The following SFTPD variants were observed in gnomAD, a reference collection of about 807,000 sequenced individuals.
SFTPD encodes the protein pulmonary surfactant-associated protein D.
SFTPD carries 18 observed loss-of-function variants against 34.6 expected under a neutral mutation model. The ratio of observed to expected loss-of-function variants is 0.52; its 90% CI spans 0.36 to 0.77. The LOEUF (loss-of-function observed/expected upper bound fraction) is 0.77, where lower values mean the gene tolerates loss of function less well. SFTPD is among the 30% of genes least tolerant of loss of function. The pLI is 0.00. For missense variants in SFTPD, 433 were observed against 468.9 expected (o/e 0.92, Z 0.71); for synonymous variants, 155 against 180.9 (o/e 0.86, Z 1.15).
intron 1 of SFTPD, among the ~76,000 whole-genome samples, chr10:79,958,619 T>A (rs1478815545): frequency 6.6e-6 from 1 of 152,072 alleles, no homozygotes; most frequent in East Asian, 1.9e-4. Context: ...ACGCACCCAA[T>A]ACAGGAGCAC....
intron 1 of SFTPD, chr10:79,969,068 G>A (rs1258217807): frequency 6.6e-6 from 1 of 152,166 alleles, no homozygotes; most frequent in South Asian, 2.1e-4. Context: ...GCCGGTCATG[G>A]TGGCTCATGC....
upstream of SFTPD, chr10:79,950,842 G>T (rs889933117): frequency 6.6e-6 from 1 of 151,860 alleles, no homozygotes; most frequent in Non-Finnish European, 1.5e-5. Flanking sequence ...GTAACTTTAT[G>T]TAATTCTATA....
At chr10:79,961,327 G>A (rs994136323) in intron 1 of SFTPD, among the ~76,000 whole-genome samples, 17 of 152,074 alleles carry the variant, frequency 1.1e-4, no homozygotes, top group South Asian at 2.1e-4. Context: ...GCTTCTGCAC[G>A]GCAAAAGAAA....
At chr10:79,954,617 A>G (rs1322231855) in intron 1 of SFTPD, among the ~76,000 whole-genome samples, 1 of 152,170 alleles carries the variant, frequency 6.6e-6, no homozygotes, top group African/African-American at 2.4e-5. Context: ...AGGATCACCA[A>G]CAGGTCTGCT....
intron 2 of SFTPD, among the ~76,000 whole-genome samples, chr10:79,945,430 C>T (rs530979286): frequency 9.8e-5 from 15 of 152,286 alleles, no homozygotes; most frequent in African/African-American, 3.6e-4. Flanking sequence ...GGGGATATTG[C>T]TTCGTCTTTC....
chr10:79,962,833 T>C (rs180951976), intron 1 of SFTPD, among the ~76,000 whole-genome samples: 159 of 152,316 alleles, frequency 1.0e-3, no homozygotes, highest in African/African-American at 3.4e-3. Flanking sequence ...CCACTCTTTT[T>C]TAGAGCAGTA....
chr10:79,965,507 C>G (rs140059804), intron 1 of SFTPD, among the ~76,000 whole-genome samples: 6,839 of 149,488 alleles, frequency 0.046, 231 homozygotes, highest in East Asian at 0.14. Flanking sequence ...TTTCACCACC[C>G]CAACACTTTA....
Position 79,974,837 on chromosome 10 carries a change from CAT to C in SFTPD, c.36+7736_36+7737del, listed in dbSNP as rs1324415527. Among the ~76,000 whole-genome samples the C allele has an allele frequency of 5.3e-5, 8 of 152,162 alleles. No individual in the cohort carries two copies. The East Asian group carries it at 1.5e-3, about 29-fold the overall frequency. On this transcript the variant is annotated intron_variant, in intron 1 of 5. Coordinates refer to the SFTPD transcript ENST00000444384. ...ACCCAGCAGTGCTAGAGGAATTAAA[CAT>C]ACACACACAGAAATATAGAGGTGTA...
chr10:79,951,019 T>A (rs1232122812), upstream of SFTPD: 4 of 152,102 alleles, frequency 2.6e-5, no homozygotes, highest in Non-Finnish European at 5.9e-5. Flanking sequence ...AATAAATTTT[T>A]ATTTCTAGAA....
At chr10:79,941,550 C>T (rs1842611891) in intron 5 of SFTPD, 36 bp from the exon 6 acceptor site, 4 of 1,492,546 alleles carry the variant, frequency 2.7e-6, no homozygotes, top group African/African-American at 2.8e-5. Context: ...GCTATGTACT[C>T]ATTTTATTTT....
chr10:79,945,246 G>A (rs1396697429), intron 2 of SFTPD, among the ~76,000 whole-genome samples: 3 of 152,166 alleles, frequency 2.0e-5, no homozygotes, highest in African/African-American at 4.8e-5. Flanking sequence ...GGCCCCACTG[G>A]AGGCCAGACT....
intron 1 of SFTPD, among the ~76,000 whole-genome samples, chr10:79,962,303 A>T (rs35516176): frequency 0.044 from 4,927 of 113,056 alleles, 262 homozygotes; most frequent in African/African-American, 0.14. Flanking sequence ...AATAATAATT[A>T]AAAAAAATCA....
At chr10:79,953,807 C>T (rs1017884320), upstream of SFTPD, among the ~76,000 whole-genome samples, 39 of 152,044 alleles carry the variant, frequency 2.6e-4, 1 homozygote, top group African/African-American at 6.0e-4. Context: ...TTTGCTTCAT[C>T]GTGTCCCATA....
At chr10:79,944,521 G>A (rs1842646109) in intron 2 of SFTPD, among the ~76,000 whole-genome samples, 1 of 152,090 alleles carries the variant, frequency 6.6e-6, no homozygotes, top group Non-Finnish European at 1.5e-5. Context: ...GGAGGAGGCT[G>A]AGCGTGACCG....
At chr10:79,946,845 G>C (rs1030340714) in intron 1 of SFTPD, among the ~76,000 whole-genome samples, 183 bp from the exon 2 acceptor site, 1 of 152,184 alleles carries the variant, frequency 6.6e-6, no homozygotes, top group African/African-American at 2.4e-5. Flanking sequence ...GGTCTGGATG[G>C]AGAGCATGAG....
Position 79,958,703 on chromosome 10 carries a change from T to C in SFTPD, c.37-12041A>G, listed in dbSNP as rs534077662. On this transcript the variant is annotated intron_variant, in intron 1 of 5. Transcript: ENST00000444384. ...CCCACACAATAATAATGGGAGACTT[T>C]AACACCCCACTGTCAACATTAGACA... is the stretch of plus-strand genomic sequence containing the variant. 5.3e-5 allele frequency among the ~76,000 whole-genome samples: 8 copies of C among 152,250 alleles called. No individual in the cohort carries two copies. In the East Asian group the frequency reaches 1.5e-3, roughly 29 times the overall value.
intron 1 of SFTPD, among the ~76,000 whole-genome samples, chr10:79,976,042 T>G (rs985513172): frequency 6.6e-6 from 1 of 152,174 alleles, no homozygotes; most frequent in Non-Finnish European, 1.5e-5. Context: ...TGGCCAGTTT[T>G]GGGGCCAGTT....
chr10:79,969,470 T>C (rs1293223485), intron 1 of SFTPD: 1 of 130,870 alleles, frequency 7.6e-6, no homozygotes, highest in Non-Finnish European at 1.6e-5. Flanking sequence ...CAAAACTCCG[T>C]CTCAAAAGAA....
chr10:79,970,231 GTC>G (rs1191081332), intron 1 of SFTPD: 1 of 151,500 alleles, frequency 6.6e-6, no homozygotes, highest in Admixed American at 6.6e-5. Flanking sequence ...TTCTGTTTAT[GTC>G]TCTGGTTTTA....
Sources: allele counts gnomAD v4.1 joint callset (sites outside exome capture counted in the v4.1 genomes callset), GRCh38; gene constraint gnomAD v4.1.1; transcripts MANE v1.5; gene names NCBI Gene and HGNC (gene_info 2026-07-23, HGNC 2026-07-21).